KIF13A: variants seen among roughly 807,000 people sequenced by gnomAD.
The protein encoded by KIF13A is kinesin-like protein KIF13A.
Under a neutral mutation model 212.2 loss-of-function variants are expected in KIF13A, and 79 were observed. That is an observed-to-expected ratio of 0.37 (90% CI 0.31 to 0.45). KIF13A has a LOEUF of 0.45. KIF13A is among the 20% of genes least tolerant of loss of function. The probability of loss-of-function intolerance (pLI) is 1.00; values close to 1 mark genes in which losing one functional copy is unlikely to be tolerated. For synonymous variants in KIF13A, 789 were observed against 808.6 expected, an observed-to-expected ratio of 0.98 and a Z score of 0.41; for missense variants, 1,901 against 2,209.0, an observed-to-expected ratio of 0.86 and a Z score of 2.79.
chr6:17,765,461 A>G (rs570012903), intron 38 of KIF13A, among the ~76,000 whole-genome samples: 1 of 152,224 alleles, frequency 6.6e-6, no homozygotes, highest in Non-Finnish European at 1.5e-5. Context: ...AGAGTAAAAC[A>G]AAGAACCCAA....
At chr6:17,813,262 C>T (rs1763592807) in intron 17 of KIF13A, among the ~76,000 whole-genome samples, 1 of 152,224 alleles carries the variant, frequency 6.6e-6, no homozygotes, top group South Asian at 2.1e-4. Flanking sequence ...GGCGGATCAC[C>T]TGAGGTCAGG....
rs891860263 is a variant in KIF13A, at chr6:17,831,182, G to A, written c.1320C>T (p.Ile440=). 2.2e-5 allele frequency: 36 copies of A among 1,613,898 alleles called. No homozygotes were observed. The highest frequency in any genetic ancestry group is 3.0e-5 in the Non-Finnish European group (35 of 1,179,810). The change falls in exon 13 of 39, where the codon ATC becomes ATT. Residue 440 remains isoleucine, a synonymous_variant. Transcript: ENST00000259711. ...SMGISLEMSG[I]KVGDDKCYLV... ...AGTAGCATTTGTCATCCCCCACCTTGATACCGGACATCTCCAGGGAAATCC... is the reference window on the plus strand; with the variant it reads ...AGTAGCATTTGTCATCCCCCACCTTAATACCGGACATCTCCAGGGAAATCC...
intron 3 of KIF13A, among the ~76,000 whole-genome samples, chr6:17,891,726 G>A (rs894809605): frequency 6.6e-6 from 1 of 152,132 alleles, no homozygotes; most frequent in Non-Finnish European, 1.5e-5. Flanking sequence ...AGCTATGATT[G>A]TGCCACTGTA....
Position 17,871,110 on chromosome 6 carries a change from TC to T in KIF13A, c.220+2266del, listed in dbSNP as rs1398073971. Among the ~76,000 whole-genome samples the T allele has an allele frequency of 6.6e-6, 1 of 152,224 alleles. No homozygotes were observed. The highest frequency in any genetic ancestry group is 2.1e-4 in the South Asian group (1 of 4,834). ...CTCTTGTCTGGATGCCTTCTAGGCT[TC>T]CCTTTGACTAAACTCTAAACAACTC... is the stretch of plus-strand genomic sequence containing the variant. On this transcript the variant is annotated intron_variant, in intron 4 of 38. Transcript: ENST00000259711. This position sits in a 1 kb window ranked among gnomAD's most constrained non-coding sequence, Gnocchi z 4.4.
In KIF13A at chr6:17,843,236, C is replaced by T. The variant is rs767293670; in HGVS notation, c.831-5653G>A. 1.3e-5 allele frequency among the ~76,000 whole-genome samples: 2 copies of T among 152,180 alleles called. No homozygotes were observed. The highest frequency in any genetic ancestry group is 4.8e-5 in the African/African-American group (2 of 41,464). On this transcript the variant is annotated intron_variant, in intron 9 of 38. Transcript: ENST00000259711. The surrounding 1 kb of genome is among the most constrained non-coding windows in gnomAD (Gnocchi z 5.3). ...AATCTAGATTCAGTGAAGACCAAAA[C>T]ATGGACCTCTGTTTAAAAAGGACTA...
At chr6:17,824,802 A>G (rs576965161) in intron 16 of KIF13A, among the ~76,000 whole-genome samples, 3 of 149,634 alleles carry the variant, frequency 2.0e-5, no homozygotes, top group Admixed American at 2.0e-4. Flanking sequence ...AATGCTCTTC[A>G]AGCCCCCTGT....
intron 2 of KIF13A, among the ~76,000 whole-genome samples, chr6:17,908,674 T>TAA (rs559322453): frequency 1.4e-5 from 2 of 144,396 alleles, no homozygotes; most frequent in African/African-American, 5.1e-5. Context: ...TATGCCTTCT[T>TAA]AAAAAAAAAA....
intron 25 of KIF13A, among the ~76,000 whole-genome samples, chr6:17,793,740 C>T (rs998384703): frequency 6.7e-6 from 1 of 150,170 alleles, no homozygotes; most frequent in Non-Finnish European, 1.5e-5. Context: ...GAATGACATG[C>T]CCTTCTCTAC....
In KIF13A at chr6:17,809,363, T is replaced by A. The variant is rs56884056; in HGVS notation, c.2001-433A>T. Among the ~76,000 whole-genome samples, 1 of 152,180 alleles carries A rather than the reference T, an allele frequency of 6.6e-6. No homozygotes were observed. The highest frequency in any genetic ancestry group is 1.5e-5 in the Non-Finnish European group (1 of 68,044). On this transcript the variant is annotated intron_variant, in intron 17 of 38. Coordinates refer to ENST00000259711, the MANE Select transcript of KIF13A (RefSeq NM_022113.6). The surrounding 1 kb of genome is among the most constrained non-coding windows in gnomAD (Gnocchi z 4.7). ...TGACTTCTGCAGTTGGCAAAAGGCA[T>A]GCAATGGTAAGGTAGTTCTGCAGTA...
At chr6:17,791,848 C>T (rs370389546) in intron 25 of KIF13A, among the ~76,000 whole-genome samples, 3 of 142,992 alleles carry the variant, frequency 2.1e-5, no homozygotes, top group East Asian at 2.1e-4. Context: ...TGCAGTGAGC[C>T]GAGATTGTGC....
chr6:17,769,756 A>G lies in KIF13A; in HGVS notation c.4581+1358T>C, dbSNP rs1473014266. Reference sequence around the variant, plus strand: ...CAGAGCCAGAGAATTGGCAGGGGAAAAAACTAGTCATTTGGCCTTTTTAGC... The same window carrying G: ...CAGAGCCAGAGAATTGGCAGGGGAAGAAACTAGTCATTTGGCCTTTTTAGC... On this transcript the variant is annotated intron_variant, in intron 38 of 38. Coordinates refer to ENST00000259711, the MANE Select transcript of KIF13A (RefSeq NM_022113.6). This position sits in a 1 kb window ranked among gnomAD's most constrained non-coding sequence, Gnocchi z 5.8. Among the ~76,000 whole-genome samples, 1 of 152,178 alleles carries G rather than the reference A, an allele frequency of 6.6e-6. No individual in the cohort carries two copies. Among genetic ancestry groups the G allele is most frequent in the Non-Finnish European group, 1.5e-5 (1 of 68,026 alleles).
At chr6:17,803,566 T>A (rs1212431605) in intron 20 of KIF13A, among the ~76,000 whole-genome samples, 1 of 152,202 alleles carries the variant, frequency 6.6e-6, no homozygotes, top group Non-Finnish European at 1.5e-5. Context: ...GGCCACTATA[T>A]CTAAATAGCT....
chr6:17,760,917 C>T, downstream of KIF13A: 1 of 1,610,254 alleles, frequency 6.2e-7, no homozygotes, highest in Non-Finnish European at 8.5e-7. Flanking sequence ...TTCTCATCCC[C>T]ACCTCCCCAC....
At chr6:17,976,293 G>A (rs1581926375) in intron 2 of KIF13A, among the ~76,000 whole-genome samples, 1 of 152,220 alleles carries the variant, frequency 6.6e-6, no homozygotes, top group African/African-American at 2.4e-5. Flanking sequence ...CGGGTGGGAG[G>A]CTCAGGCATG....
At position 17,773,662 on chromosome 6, in the gene KIF13A, G is replaced by A; in HGVS notation, c.4219-79C>T. 1 of 639,850 alleles carries A rather than the reference G, an allele frequency of 1.6e-6. No homozygotes were observed. 39.6% of individuals were successfully genotyped at this position (639,850 alleles called of 1,614,324 possible). On this transcript the variant is annotated intron_variant, in intron 35 of 38. Transcript: ENST00000259711. The surrounding 1 kb of genome is among the most constrained non-coding windows in gnomAD (Gnocchi z 4.2). ...TAAAGCCCAGGTTGGAGTTTCTTCT[G>A]TTTTTTTTTAATGGCAGCATATGCT...
intron 4 of KIF13A, among the ~76,000 whole-genome samples, chr6:17,862,590 G>A (rs191011209): frequency 1.3e-5 from 2 of 151,968 alleles, no homozygotes; most frequent in African/African-American, 4.8e-5. Flanking sequence ...ATCTCTTGAG[G>A]GCAGGAGCTC....
intron 22 of KIF13A, 42 bp from the exon 23 acceptor site, chr6:17,796,862 A>T: frequency 7.4e-7 from 1 of 1,357,054 alleles, no homozygotes. Flanking sequence ...TGCTTAAAGG[A>T]GTCTGTGAAA....
Position 17,838,587 on chromosome 6 carries a change from A to AAT in KIF13A, c.831-1005_831-1004insAT, listed in dbSNP as rs1766205551. Among the ~76,000 whole-genome samples, 2 of 152,224 alleles carry AAT rather than the reference A, an allele frequency of 1.3e-5. No individual in the cohort carries two copies. Among genetic ancestry groups the AAT allele is most frequent in the Admixed American group, 6.5e-5 (1 of 15,282 alleles). The stretch of plus-strand genomic sequence containing the variant: ...TGTTAGAATTTTAATAACAGCCATT[A>AAT]CCACAGAGTGGCATAAATATGTACA... On this transcript the variant is annotated intron_variant, in intron 9 of 38. Coordinates refer to ENST00000259711, the MANE Select transcript of KIF13A (RefSeq NM_022113.6). The surrounding 1 kb of genome is among the most constrained non-coding windows in gnomAD (Gnocchi z 4.2).
Position 17,898,328 on chromosome 6 carries a change from A to G in KIF13A, c.147-148T>C, listed in dbSNP as rs1772758071. 1.3e-6 allele frequency: 1 copy of G among 742,382 alleles called. No individual in the cohort carries two copies. The highest frequency in any genetic ancestry group is 2.2e-6 in the Non-Finnish European group (1 of 457,646). 46.0% of individuals were successfully genotyped at this position (742,382 alleles called of 1,614,324 possible). A position where few individuals can be genotyped will look rare whatever the true frequency, so the allele number is the denominator to read the frequency against. ...GATCTGAAAGATATTCTTCTTCATG[A>G]AGATCAGAAGCCAAATTCAAACACA... On this transcript the variant is annotated intron_variant, in intron 2 of 38. Coordinates refer to ENST00000259711, the MANE Select transcript of KIF13A (RefSeq NM_022113.6). This position sits in a 1 kb window ranked among gnomAD's most constrained non-coding sequence, Gnocchi z 5.2.
Sources: gnomAD v4.1 joint callset for allele counts (sites outside exome capture counted in the v4.1 genomes callset) on GRCh38, gnomAD v4.1.1 for gene constraint, Gnocchi (gnomAD v3.1) non-coding constraint, MANE v1.5 for transcripts, NCBI Gene and HGNC (gene_info 2026-07-23, HGNC 2026-07-21) for gene names.